The following MOV10 variants were observed in gnomAD, a reference collection of about 807,000 sequenced individuals.
MOV10 encodes the protein RNA helicase MOV-10.
In MOV10, 39 loss-of-function variants were observed where a neutral mutation model predicts 108.4. That is an observed-to-expected ratio of 0.36 (90% CI 0.28 to 0.47). The LOEUF is 0.47. Among genes scored for constraint, MOV10 ranks in the 20% least tolerant of loss-of-function variants. The pLI is 1.00. For missense variants in MOV10, 952 were observed against 1,297.6 expected (o/e 0.73, Z 4.09); for synonymous variants, 490 against 523.1 (o/e 0.94, Z 0.86).
At chr1:112,676,219 G>A (rs1330782273) in intron 2 of MOV10, among the ~76,000 whole-genome samples, 1 of 152,128 alleles carries the variant, frequency 6.6e-6, no homozygotes, top group African/African-American at 2.4e-5. Flanking sequence ...CAATCCCAGA[G>A]GAGCATCAGA....
At chr1:112,682,683 G>T (rs1211197373) in intron 2 of MOV10, among the ~76,000 whole-genome samples, 1 of 152,106 alleles carries the variant, frequency 6.6e-6, no homozygotes, top group Non-Finnish European at 1.5e-5. Context: ...ATTTTTTCAT[G>T]ACAGTACCTG....
At chr1:112,684,572 C>A (rs998203417) in intron 2 of MOV10, among the ~76,000 whole-genome samples, 2 of 152,080 alleles carry the variant, frequency 1.3e-5, no homozygotes, top group Non-Finnish European at 2.9e-5. Context: ...CCGGACAGTC[C>A]CTGGGTTTTA....
At position 112,698,001 on chromosome 1, in the gene MOV10, C is replaced by A. The variant is rs1170098716; in HGVS notation, c.2206C>A (p.Pro736Thr). The change falls in exon 15 of 21, where the codon CCC (proline) becomes ACC (threonine). Residue 736 changes from proline (P) to threonine (T), a missense_variant. Pro to Thr is a conservative substitution (Grantham distance 38, BLOSUM62 -1). Coordinates refer to ENST00000369645, the MANE Select transcript of MOV10 (RefSeq NM_001321324.2). The stretch of plus-strand genomic sequence containing the variant: ...CCTCCTCCGGCCTCCCAGGTCTCAT[C>A]CCACCATCCTGGACATTCCTAACCA... ...TKLLRNYRSHPTILDIPNQLY... is the reference protein window; with the variant it reads ...TKLLRNYRSHTTILDIPNQLY... 1 of 1,613,570 alleles carries A rather than the reference C, an allele frequency of 6.2e-7. No individual in the cohort carries two copies.
rs780401985 is a variant in MOV10 at position 112,693,999 on chromosome 1, T to G, written c.1141-19T>G. The G allele has an allele frequency of 6.2e-7, 1 of 1,613,426 alleles. No homozygotes were observed. Among genetic ancestry groups the G allele is most frequent in the Non-Finnish European group, 8.5e-7 (1 of 1,179,722 alleles). ...GTCCATCCCTGGGACAGAAGCTTGC[T>G]TGTGTTCACACCCCATAGGTTCCTG... On this transcript the variant is annotated intron_variant, in intron 7 of 20. Coordinates refer to ENST00000369645, the MANE Select transcript of MOV10 (RefSeq NM_001321324.2).
chr1:112,675,431 G>A lies in MOV10; in HGVS notation c.137+382G>A, dbSNP rs1191027927. ...CAGAGGGGGCCCAGGCATCGCGGGA[G>A]CGCGGGTTAGAGGCTGCCTGTTGGG... On this transcript the variant is annotated intron_variant, in intron 2 of 20. Transcript: ENST00000369645. The surrounding 1 kb of genome is among the most constrained non-coding windows in gnomAD (Gnocchi z 4.7). Among the ~76,000 whole-genome samples, 1 of 152,234 alleles carries A rather than the reference G, an allele frequency of 6.6e-6. No individual in the cohort carries two copies. The highest frequency in any genetic ancestry group is 1.5e-5 in the Non-Finnish European group (1 of 68,030).
chr1:112,699,866 C>T (rs3013431), intron 18 of MOV10, 28 bp from the exon 19 acceptor site: 953,060 of 1,613,774 alleles, frequency 0.59, 284,914 homozygotes, highest in South Asian at 0.66. Context: ...CTCTTCCCTC[C>T]CATGACCACA....
rs1293181561 is a variant in MOV10, at chr1:112,691,906, T to C, written c.971+107T>C. ...CAGCCTCCCAGGCTGTATTCATTCA[T>C]TCCCTTACTGAGCACGCACCATACA... On this transcript the variant is annotated intron_variant, in intron 6 of 20. Transcript: ENST00000369645. The C allele has an allele frequency of 4.0e-6, 5 of 1,260,328 alleles. No homozygotes were observed. The African/African-American group carries it at 7.4e-5, about 19-fold the overall frequency. The allele number at this position is 1,260,328 out of a possible 1,614,324, so 78.1% of individuals were successfully genotyped here.
chr1:112,692,258 G>A (rs1240469112), intron 6 of MOV10, among the ~76,000 whole-genome samples: 1 of 152,164 alleles, frequency 6.6e-6, no homozygotes, highest in Non-Finnish European at 1.5e-5. Flanking sequence ...CTTGAGCCCA[G>A]GAGGTTGAGG....
At chr1:112,687,813 C>G (rs1673198621) in intron 2 of MOV10, among the ~76,000 whole-genome samples, 1 of 152,120 alleles carries the variant, frequency 6.6e-6, no homozygotes, top group African/African-American at 2.4e-5. Flanking sequence ...GTCTCGCTTT[C>G]CTCCAATTTT....
chr1:112,693,677 T>G (rs1338779896), intron 7 of MOV10: 4 of 158,094 alleles, frequency 2.5e-5, no homozygotes, highest in East Asian at 3.6e-4. Flanking sequence ...TTTTTTTTTT[T>G]TTTTTTTTTT....
chr1:112,687,958 G>C (rs938966764), intron 2 of MOV10, among the ~76,000 whole-genome samples: 1 of 151,944 alleles, frequency 6.6e-6, no homozygotes, highest in Non-Finnish European at 1.5e-5. Context: ...TACACTTCGC[G>C]CTCCCTCTTG....
intron 20 of MOV10, 36 bp downstream of exon 20, chr1:112,700,376 A>T (rs767981412): frequency 6.2e-7 from 1 of 1,613,902 alleles, no homozygotes; most frequent in Non-Finnish European, 8.5e-7. Context: ...GTGCCAGAGG[A>T]GGTGGTAAGG....
intron 2 of MOV10, among the ~76,000 whole-genome samples, chr1:112,681,888 A>C (rs1336677478): frequency 6.6e-6 from 1 of 151,936 alleles, no homozygotes; most frequent in Non-Finnish European, 1.5e-5. Flanking sequence ...AATAAAAAAA[A>C]ATTGTTTATG....
At position 112,694,279 on chromosome 1, in the gene MOV10, G is replaced by C; in HGVS notation, c.1295+107G>C. 1 of 1,485,688 alleles carries C rather than the reference G, an allele frequency of 6.7e-7. No homozygotes were observed. Among genetic ancestry groups the C allele is most frequent in the South Asian group, 1.2e-5 (1 of 83,644 alleles). 92.0% of individuals were successfully genotyped at this position (1,485,688 alleles called of 1,614,324 possible). ...ATAAATGAGACCCCGGGGCAGAGCA[G>C]GAGACTTTTCCTCAGGGGTACCCTG... On this transcript the variant is annotated intron_variant, in intron 8 of 20. Coordinates refer to ENST00000369645, the MANE Select transcript of MOV10 (RefSeq NM_001321324.2). The surrounding 1 kb of genome is among the most constrained non-coding windows in gnomAD (Gnocchi z 4.1).
Position 112,698,697 on chromosome 1 carries a change from C to T in MOV10, c.2509-18C>T. On this transcript the variant is annotated intron_variant, in intron 16 of 20. Coordinates refer to ENST00000369645, the MANE Select transcript of MOV10 (RefSeq NM_001321324.2). ...AGGTTAATGGCACGAGAGAAAGGCA[C>T]CTGTCCCCTCCTTCCAGGTGGAGAA... 6.2e-7 allele frequency: 1 copy of T among 1,612,880 alleles called. No homozygotes were observed. The highest frequency in any genetic ancestry group is 1.1e-5 in the South Asian group (1 of 91,046).
chr1:112,695,465 A>G lies in MOV10; in HGVS notation c.1670A>G (p.Asn557Ser), dbSNP rs1416814751. The change falls in exon 11 of 21, where the codon AAC becomes AGC. Residue 557 changes from asparagine to serine, a missense_variant. Physicochemically the swap from Asn to Ser is conservative, Grantham distance 46. Around this residue, in one of 5 missense-constraint regions of MOV10, gnomAD observed 453 missense variants for 611.5 expected, o/e 0.74. Transcript: ENST00000369645. The stretch of plus-strand genomic sequence containing the variant: ...CACATCTTGGCCTGCGCTCCATCCA[A>G]CTCAGGGGCTGACCTACTCTGTCAA... ...KAHILACAPS[N>S]SGADLLCQRL... is the part of the protein sequence containing the mutation. The G allele has an allele frequency of 1.2e-6, 2 of 1,613,976 alleles. No individual in the cohort carries two copies.
intron 17 of MOV10, 75 bp from the exon 18 acceptor site, chr1:112,699,610 A>G: frequency 6.3e-7 from 1 of 1,598,616 alleles, no homozygotes; most frequent in Non-Finnish European, 8.5e-7. Flanking sequence ...CCCTCCTTGG[A>G]AGGCAAGCTC....
At chr1:112,685,466 C>A (rs751289721) in intron 2 of MOV10, among the ~76,000 whole-genome samples, 5 of 151,748 alleles carry the variant, frequency 3.3e-5, no homozygotes, top group African/African-American at 4.8e-5. Flanking sequence ...ACCATCCTGG[C>A]TAACATGGTG....
chr1:112,689,763 C>A, intron 4 of MOV10, 77 bp from the exon 5 acceptor site: 1 of 1,585,324 alleles, frequency 6.3e-7, no homozygotes. Flanking sequence ...TGGGATGGGG[C>A]TTCCTGGGGG....
Sources: gnomAD v4.1 joint callset for allele counts (sites outside exome capture counted in the v4.1 genomes callset) on GRCh38, gnomAD v4.1.1 for gene constraint, gnomAD v4.1.1 regional missense constraint, Gnocchi (gnomAD v3.1) non-coding constraint, MANE v1.5 for transcripts, NCBI Gene and HGNC (gene_info 2026-07-23, HGNC 2026-07-21) for gene names.